DAB1: variants seen among roughly 807,000 people sequenced by gnomAD.
DAB1 encodes the protein DAB adaptor protein 1, also known as disabled homolog 1.
In DAB1, 15 loss-of-function variants were observed where a neutral mutation model predicts 64.6. The observed-to-expected ratio is 0.23, with a 90% confidence interval of 0.16 to 0.36. DAB1 has a LOEUF of 0.36. DAB1 is among the 10% of genes least tolerant of loss of function. The pLI, the probability that DAB1 is intolerant of heterozygous loss-of-function variation, is 1.00. For missense variants in DAB1, 596 were observed against 706.7 expected (o/e 0.84, Z 1.78); for synonymous variants, 235 against 251.9 (o/e 0.93, Z 0.64).
intron 7 of DAB1, among the ~76,000 whole-genome samples, chr1:57,521,377 A>G (rs1295607787): frequency 2.0e-5 from 3 of 152,156 alleles, no homozygotes; most frequent in Non-Finnish European, 2.9e-5. Flanking sequence ...AGATAATCCC[A>G]CCAGTCTCGT....
At chr1:58,037,136 C>A (rs950862524) in intron 5 of DAB1, among the ~76,000 whole-genome samples, 6 of 152,282 alleles carry the variant, frequency 3.9e-5, no homozygotes, top group Admixed American at 1.3e-4. Context: ...GTCTCTCCCC[C>A]AAAGGCTAGC....
At chr1:58,494,394 CA>C (rs1420971011) in intron 3 of DAB1, among the ~76,000 whole-genome samples, 4 of 152,072 alleles carry the variant, frequency 2.6e-5, no homozygotes, top group Non-Finnish European at 4.4e-5. Flanking sequence ...AAAGCAATGG[CA>C]ACAAAAGCCA....
chr1:57,563,428 G>C (rs1363092388), intron 7 of DAB1, among the ~76,000 whole-genome samples: 1 of 152,146 alleles, frequency 6.6e-6, no homozygotes, highest in Non-Finnish European at 1.5e-5. Context: ...ACTGGGGCTT[G>C]TCAGACAGTG....
At position 57,223,680 on chromosome 1, in the gene DAB1, C is replaced by T. The variant is rs141844840; in HGVS notation, c.67+67284G>A. On this transcript the variant is annotated intron_variant, in intron 2 of 14. Transcript: ENST00000371236. ...ACACCTTGCAGTATGGCAGAACCAA[C>T]CCGAAACATCTTTAGTGGATTCGCA... 2.4e-4 allele frequency among the ~76,000 whole-genome samples: 36 copies of T among 152,274 alleles called. 3 individuals are homozygous for T. In the East Asian group the frequency reaches 7.0e-3, roughly 29 times the overall value.
intron 5 of DAB1, among the ~76,000 whole-genome samples, chr1:58,144,870 A>G (rs1175438915): frequency 6.6e-6 from 1 of 152,206 alleles, no homozygotes; most frequent in Non-Finnish European, 1.5e-5. Context: ...CCTTGCTGCT[A>G]TTCCAGTCTG....
intron 4 of DAB1, among the ~76,000 whole-genome samples, chr1:57,097,873 G>T (rs1654312855): frequency 1.3e-5 from 2 of 152,002 alleles, no homozygotes; most frequent in Non-Finnish European, 2.9e-5. Flanking sequence ...CGCCTCCCGG[G>T]TTCATGCCAT....
chr1:57,346,304 G>A (rs1403174389), intron 1 of DAB1, among the ~76,000 whole-genome samples: 1 of 152,196 alleles, frequency 6.6e-6, no homozygotes, highest in East Asian at 1.9e-4. Flanking sequence ...GTAGGTCAGA[G>A]CTTACAAGCC....
chr1:58,064,267 G>A (rs924875027), intron 5 of DAB1, among the ~76,000 whole-genome samples: 3 of 152,140 alleles, frequency 2.0e-5, no homozygotes, highest in Non-Finnish European at 4.4e-5. Context: ...CCCACAATCT[G>A]TCTGAGAAAT....
At chr1:57,430,630 G>C (rs900169571) in intron 7 of DAB1, among the ~76,000 whole-genome samples, 1 of 151,974 alleles carries the variant, frequency 6.6e-6, no homozygotes, top group Non-Finnish European at 1.5e-5. Context: ...GCCCGCCTAG[G>C]CCTCCCAAAG....
intron 7 of DAB1, among the ~76,000 whole-genome samples, chr1:57,539,936 A>T (rs1265499479): frequency 6.6e-6 from 1 of 152,198 alleles, no homozygotes; most frequent in Admixed American, 6.5e-5. Context: ...GTTTTCCAGC[A>T]TGAAGATGAA....
At chr1:58,311,698 G>A (rs1042071740) in intron 4 of DAB1, among the ~76,000 whole-genome samples, 5 of 151,958 alleles carry the variant, frequency 3.3e-5, no homozygotes, top group Non-Finnish European at 7.4e-5. Context: ...CCTTCCATGG[G>A]TGCCAGACTG....
At chr1:57,628,109 G>T (rs1163479478) in intron 7 of DAB1, among the ~76,000 whole-genome samples, 3 of 152,214 alleles carry the variant, frequency 2.0e-5, no homozygotes, top group Admixed American at 2.0e-4. Context: ...TTGGAACTGA[G>T]TCCTGACTCT....
intron 7 of DAB1, 45 bp downstream of exon 7, chr1:57,070,978 C>A: frequency 6.5e-7 from 1 of 1,534,824 alleles, no homozygotes; most frequent in South Asian, 1.1e-5. Flanking sequence ...TGGCACAGGT[C>A]TAGTCACTCT....
chr1:57,321,823 T>C (rs1313769527), intron 1 of DAB1, among the ~76,000 whole-genome samples: 1 of 152,184 alleles, frequency 6.6e-6, no homozygotes, highest in Non-Finnish European at 1.5e-5. Context: ...TCACATTTAC[T>C]ACTGTCATCA....
intron 4 of DAB1, among the ~76,000 whole-genome samples, chr1:58,242,074 A>C (rs1660321084): frequency 1.3e-5 from 2 of 152,104 alleles, no homozygotes; most frequent in East Asian, 1.9e-4. Context: ...AATGCCTATC[A>C]GATGGAAAAT....
At chr1:57,598,562 A>G (rs1203595725) in intron 7 of DAB1, among the ~76,000 whole-genome samples, 1 of 152,204 alleles carries the variant, frequency 6.6e-6, no homozygotes, top group Non-Finnish European at 1.5e-5. Flanking sequence ...TGATTTTCAT[A>G]TAATCCATAC....
intron 1 of DAB1, among the ~76,000 whole-genome samples, chr1:57,396,916 C>T (rs1682856307): frequency 6.6e-6 from 1 of 152,090 alleles, no homozygotes. Context: ...GTTTATCTTT[C>T]TCATATGGCC....
chr1:57,995,979 C>A (rs115049870), intron 5 of DAB1, among the ~76,000 whole-genome samples: 2,019 of 152,284 alleles, frequency 0.013, 50 homozygotes, highest in African/African-American at 0.046. Context: ...TGAGGATAGT[C>A]TGGGCGCGGT....
chr1:57,199,279 A>T (rs1569862442), intron 2 of DAB1, among the ~76,000 whole-genome samples: 2 of 152,352 alleles, frequency 1.3e-5, no homozygotes, highest in Admixed American at 1.3e-4. Flanking sequence ...AATTTATTTT[A>T]AAAAGGAAGA....
Sources: allele counts gnomAD v4.1 joint callset (sites outside exome capture counted in the v4.1 genomes callset), GRCh38; gene constraint gnomAD v4.1.1; transcripts MANE v1.5; gene names NCBI Gene and HGNC (gene_info 2026-07-23, HGNC 2026-07-21).